The following SMARCAD1 variants were observed in gnomAD, a reference collection of about 807,000 sequenced individuals.
The protein encoded by SMARCAD1 is SNF2 related chromatin remodeling ATPase with DExD box 1.
A neutral mutation model predicts 127.1 loss-of-function variants in SMARCAD1; 25 were observed. That is an observed-to-expected ratio of 0.20 (90% CI 0.14 to 0.27). SMARCAD1 has a LOEUF of 0.27. SMARCAD1 is among the 10% of genes least tolerant of loss of function. The pLI is 1.00. For synonymous variants in SMARCAD1, 400 were observed against 396.9 expected, an observed-to-expected ratio of 1.01 and a Z score of -0.09; for missense variants, 807 against 1,206.0, an observed-to-expected ratio of 0.67 and a Z score of 4.90.
At chr4:94,281,629 T>G in intron 21 of SMARCAD1, 39 bp downstream of exon 21, 1 of 1,233,070 alleles carries the variant, frequency 8.1e-7, no homozygotes, top group Non-Finnish European at 1.2e-6. Context: ...AAATAACTCA[T>G]TTATTATTAT....
intron 2 of SMARCAD1, among the ~76,000 whole-genome samples, chr4:94,209,293 A>G (rs535410201): frequency 6.6e-6 from 1 of 152,342 alleles, no homozygotes; most frequent in African/African-American, 2.4e-5. Context: ...TAATTTGCAC[A>G]ATAATCCTAC....
chr4:94,213,480 C>T (rs1742622581), intron 2 of SMARCAD1, among the ~76,000 whole-genome samples: 1 of 151,994 alleles, frequency 6.6e-6, no homozygotes, highest in Admixed American at 6.6e-5. Context: ...AAGTGTAAAC[C>T]ATTGGGTTGT....
chr4:94,227,367 G>A (rs1393622560), intron 3 of SMARCAD1, among the ~76,000 whole-genome samples: 2 of 152,184 alleles, frequency 1.3e-5, no homozygotes, highest in African/African-American at 2.4e-5. Context: ...AATTATCTGA[G>A]TTAGATGTTT....
At chr4:94,262,992 G>A (rs1319398267) in intron 9 of SMARCAD1, among the ~76,000 whole-genome samples, 1 of 151,722 alleles carries the variant, frequency 6.6e-6, no homozygotes, top group Non-Finnish European at 1.5e-5. Flanking sequence ...ATTTAGGGAG[G>A]TACTAGTTAT....
At chr4:94,284,856 G>T (rs1179380015) in intron 22 of SMARCAD1, 104 bp from the exon 23 acceptor site, 2 of 739,996 alleles carry the variant, frequency 2.7e-6, no homozygotes, top group Non-Finnish European at 4.5e-6. Flanking sequence ...GGATATGTTT[G>T]TCGTAATTTT....
chr4:94,282,797 T>G (rs996490096), intron 21 of SMARCAD1, among the ~76,000 whole-genome samples: 1 of 152,150 alleles, frequency 6.6e-6, no homozygotes, highest in African/African-American at 2.4e-5. Context: ...GCCGATATAC[T>G]TCTGAGAAGG....
chr4:94,262,378 C>T (rs1379584066), intron 9 of SMARCAD1, among the ~76,000 whole-genome samples: 1 of 152,186 alleles, frequency 6.6e-6, no homozygotes, highest in Non-Finnish European at 1.5e-5. Context: ...TTAATGGGTT[C>T]TACCTCCTGA....
intron 15 of SMARCAD1, 111 bp downstream of exon 15, chr4:94,276,585 G>A: frequency 7.3e-7 from 1 of 1,361,420 alleles, no homozygotes; most frequent in African/African-American, 1.5e-5. Context: ...AATATATGTA[G>A]TATTCTGTGT....
At chr4:94,236,236 A>C (rs538290970) in intron 4 of SMARCAD1, among the ~76,000 whole-genome samples, 1 of 152,306 alleles carries the variant, frequency 6.6e-6, no homozygotes, top group East Asian at 1.9e-4. Context: ...GCTTATTTAA[A>C]AGTAAGATCT....
intron 23 of SMARCAD1, 104 bp downstream of exon 23, chr4:94,285,173 AGTTTAGGGATGATGT>A (rs1268488308): frequency 1.3e-6 from 1 of 751,274 alleles, no homozygotes; most frequent in African/African-American, 1.7e-5. Context: ...ACTAGCTTAC[AGTTTAGGGATGATGT>A]GTGATGTGGG....
intron 8 of SMARCAD1, 63 bp downstream of exon 8, chr4:94,250,896 G>A (rs1323952017): frequency 2.3e-6 from 3 of 1,291,562 alleles, no homozygotes; most frequent in Non-Finnish European, 3.3e-6. Context: ...TAGTATATAA[G>A]AAAATGGTAT....
At chr4:94,271,267 A>G (rs1250981913) in intron 11 of SMARCAD1, among the ~76,000 whole-genome samples, 2 of 152,168 alleles carry the variant, frequency 1.3e-5, no homozygotes, top group Admixed American at 6.5e-5. Context: ...ACAAATCCAC[A>G]TATATATCAG....
At chr4:94,279,548 A>C (rs1020540281) in intron 19 of SMARCAD1, among the ~76,000 whole-genome samples, 2 of 152,218 alleles carry the variant, frequency 1.3e-5, no homozygotes, top group Non-Finnish European at 2.9e-5. Context: ...TACGGCAGTG[A>C]CTATTTTTAT....
chr4:94,232,313 G>A (rs1464859185), intron 3 of SMARCAD1, among the ~76,000 whole-genome samples: 1 of 152,172 alleles, frequency 6.6e-6, no homozygotes, highest in Non-Finnish European at 1.5e-5. Context: ...CATTGAGTCT[G>A]ATCACTGGAT....
At chr4:94,245,632 T>C (rs1424222004) in intron 6 of SMARCAD1, among the ~76,000 whole-genome samples, 3 of 152,252 alleles carry the variant, frequency 2.0e-5, no homozygotes, top group Admixed American at 6.5e-5. Context: ...TTTGCCACTT[T>C]ACAATAACTC....
At chr4:94,220,065 G>C (rs1433010720) in intron 2 of SMARCAD1, among the ~76,000 whole-genome samples, 1 of 152,018 alleles carries the variant, frequency 6.6e-6, no homozygotes, top group African/African-American at 2.4e-5. Context: ...TATTTGCTTT[G>C]AATTAAAAAG....
chr4:94,225,679 A>C (rs1744878913), intron 2 of SMARCAD1, among the ~76,000 whole-genome samples: 1 of 152,232 alleles, frequency 6.6e-6, no homozygotes, highest in Non-Finnish European at 1.5e-5. Context: ...TGCTTTACAT[A>C]TATAATCTGA....
In SMARCAD1 at chr4:94,290,293, T is replaced by C; in HGVS notation, c.*759T>C. ...TAATCTTGTGCATGTTTTCATTGAT[T>C]TCCCTCTCCCGGCTTTTGCTTCTCT... On this transcript the variant is annotated 3_prime_UTR_variant, in exon 24 of 24. Coordinates refer to ENST00000354268, the MANE Select transcript of SMARCAD1 (RefSeq NM_020159.5). 1 of 454,512 alleles carries C rather than the reference T, an allele frequency of 2.2e-6. No individual in the cohort carries two copies. Among genetic ancestry groups the C allele is most frequent in the Non-Finnish European group, 4.4e-6 (1 of 226,764 alleles). 28.2% of individuals were successfully genotyped at this position (454,512 alleles called of 1,614,324 possible). A position where few individuals can be genotyped will look rare whatever the true frequency, so the allele number is the denominator to read the frequency against.
Position 94,270,734 on chromosome 4 carries a change from A to C in SMARCAD1, c.1488A>C (p.Ser496=), listed in dbSNP as rs1420458705. 6.2e-7 allele frequency: 1 copy of C among 1,613,268 alleles called. No homozygotes were observed. The highest frequency in any genetic ancestry group is 1.3e-5 in the African/African-American group (1 of 75,024). ...GTAACTCTCTCTTTACCAGTTTGTC[A>C]CTCAAGCCCTATCAGAAGGTTGGTT... ...EQPSILNQSL[S]LKPYQKVGLN... is the part of the protein sequence containing the mutation. The change falls in exon 11 of 24, where the codon TCA becomes TCC. Residue 496 remains serine (S), a synonymous_variant. Transcript: ENST00000354268.
Sources: allele counts gnomAD v4.1 joint callset (sites outside exome capture counted in the v4.1 genomes callset), GRCh38; gene constraint gnomAD v4.1.1; transcripts MANE v1.5; gene names NCBI Gene and HGNC (gene_info 2026-07-23, HGNC 2026-07-21).